DZANK1: variants seen among roughly 807,000 people sequenced by gnomAD.
DZANK1 encodes double zinc ribbon and ankyrin repeat domains 1.
DZANK1 carries 91 observed loss-of-function variants against 94.5 expected under a neutral mutation model. That is an observed-to-expected ratio of 0.96 (90% CI 0.81 to 1.15). DZANK1 has a LOEUF of 1.15. Among genes scored for constraint, DZANK1 ranks in the 50% most tolerant of loss-of-function variants. The probability of loss-of-function intolerance (pLI) is 0.00; values close to 1 mark genes in which losing one functional copy is unlikely to be tolerated. For missense variants in DZANK1, 903 were observed against 916.4 expected (o/e 0.99, Z 0.19); for synonymous variants, 312 against 325.3 (o/e 0.96, Z 0.44).
chr20:18,391,534 AG>A lies in DZANK1; in HGVS notation c.1810-1076del, dbSNP rs1439015811. Among the ~76,000 whole-genome samples, 2 of 152,164 alleles carry A rather than the reference AG, an allele frequency of 1.3e-5. 1 individual carries two copies. Among genetic ancestry groups the A allele is most frequent in the Non-Finnish European group, 2.9e-5 (2 of 68,030 alleles). ...AGGCGTGAGTCACTGGGCCTGGCTGAGTAACTTATCTTTTTATATTTTTAAA... is the reference window on the plus strand; with the variant it reads ...AGGCGTGAGTCACTGGGCCTGGCTGATAACTTATCTTTTTATATTTTTAAA... On this transcript the variant is annotated intron_variant, in intron 17 of 20. Coordinates refer to ENST00000262547, the Ensembl canonical transcript of DZANK1.
intron 16 of DZANK1, 110 bp downstream of exon 16, chr20:18,394,144 T>G: frequency 1.1e-6 from 1 of 932,494 alleles, no homozygotes; most frequent in Non-Finnish European, 1.6e-6. Flanking sequence ...GGAACATAAC[T>G]GCAAGATCTG....
chr20:18,427,975 C>G (rs1333817226), intron 9 of DZANK1, among the ~76,000 whole-genome samples: 3 of 151,498 alleles, frequency 2.0e-5, no homozygotes. Context: ...ACGGTGAAAC[C>G]CCGTCTCTAC....
At chr20:18,387,898 A>AG (rs2048604358) in intron 19 of DZANK1, among the ~76,000 whole-genome samples, 1 of 152,322 alleles carries the variant, frequency 6.6e-6, no homozygotes, top group East Asian at 1.9e-4. Context: ...TTGTTTGCTA[A>AG]GGAACAACTC....
rs2145228 is a variant in DZANK1, at chr20:18,443,312, C to G, written c.747+35G>C. ...TGCTGCAAATAAAGATCAGATCAACCAATGAAAGATGTTTTTAAGAATTCT... is the reference window on the plus strand; with the variant it reads ...TGCTGCAAATAAAGATCAGATCAACGAATGAAAGATGTTTTTAAGAATTCT... On this transcript the variant is annotated intron_variant, in intron 8 of 20. Transcript: ENST00000262547. 6,202 of 1,334,996 alleles carry G rather than the reference C, an allele frequency of 4.6e-3. 251 individuals are homozygous for G. In the African/African-American group the frequency reaches 0.081, roughly 17 times the overall value. The allele number at this position is 1,334,996 out of a possible 1,614,324, so 82.7% of individuals were successfully genotyped here.
At chr20:18,392,155 T>A (rs1600719481) in intron 17 of DZANK1, among the ~76,000 whole-genome samples, 1 of 152,208 alleles carries the variant, frequency 6.6e-6, no homozygotes, top group Non-Finnish European at 1.5e-5. Context: ...CAGTGGAAGA[T>A]TCAGGTTATA....
chr20:18,455,243 T>C lies in DZANK1; in HGVS notation c.378+4A>G. On this transcript the variant is annotated splice_donor_region_variant and intron_variant, in intron 4 of 20. Coordinates refer to ENST00000262547, the Ensembl canonical transcript of DZANK1. Reference sequence around the variant, plus strand: ...TCTGAATGGATTATAGTTTCATTACTTGCCTGCCTTGAAGAATCTTTGAGA... The same window carrying C: ...TCTGAATGGATTATAGTTTCATTACCTGCCTGCCTTGAAGAATCTTTGAGA... The C allele has an allele frequency of 6.3e-7, 1 of 1,590,868 alleles. No individual in the cohort carries two copies. The highest frequency in any genetic ancestry group is 8.6e-7 in the Non-Finnish European group (1 of 1,166,152).
intron 6 of DZANK1, 120 bp downstream of exon 6, chr20:18,452,495 A>C (rs776943704): frequency 1.7e-6 from 2 of 1,191,822 alleles, no homozygotes; most frequent in African/African-American, 1.6e-5. Context: ...TATTCCCAGC[A>C]CTAGAACAGT....
chr20:18,406,544 C>G (rs762267001), intron 13 of DZANK1, among the ~76,000 whole-genome samples: 1 of 152,252 alleles, frequency 6.6e-6, no homozygotes, highest in Non-Finnish European at 1.5e-5. Flanking sequence ...TAACCACCAG[C>G]AATACCCAGG....
intron 5 of DZANK1, chr20:18,452,697 T>C (rs751273476): frequency 2.2e-5 from 36 of 1,604,538 alleles, no homozygotes; most frequent in Non-Finnish European, 2.8e-5. Flanking sequence ...AAAGTGAAGA[T>C]CTTTCAAAGT....
chr20:18,400,685 G>C (rs2056624760), intron 13 of DZANK1, among the ~76,000 whole-genome samples: 1 of 152,130 alleles, frequency 6.6e-6, no homozygotes, highest in Non-Finnish European at 1.5e-5. Flanking sequence ...GAGTAATCGA[G>C]ACAACACTAG....
intron 8 of DZANK1, among the ~76,000 whole-genome samples, chr20:18,440,703 G>A (rs1449929718): frequency 1.3e-5 from 2 of 152,134 alleles, no homozygotes; most frequent in South Asian, 2.1e-4. Flanking sequence ...TCAAGAAAAC[G>A]AAGGCTGGTA....
intron 13 of DZANK1, among the ~76,000 whole-genome samples, chr20:18,405,543 T>G (rs951779179): frequency 1.3e-5 from 2 of 152,116 alleles, no homozygotes; most frequent in Non-Finnish European, 2.9e-5. Context: ...AAAAAAATAT[T>G]TGAAGAGATG....
chr20:18,427,079 A>C (rs2058076917), exon 10 of DZANK1: 1 of 1,610,992 alleles, frequency 6.2e-7, no homozygotes, highest in African/African-American at 1.3e-5. Flanking sequence ...CTTGTGATGA[A>C]GGCAGGGCCC....
chr20:18,438,913 C>T (rs145148372), intron 8 of DZANK1, among the ~76,000 whole-genome samples: 5 of 152,300 alleles, frequency 3.3e-5, no homozygotes, highest in Admixed American at 2.6e-4. Flanking sequence ...TTCATCATCA[C>T]GACCTAATTA....
At position 18,399,718 on chromosome 20, in the gene DZANK1, G is replaced by A. The variant is rs907547640; in HGVS notation, c.1433-1092C>T. Among the ~76,000 whole-genome samples the A allele has an allele frequency of 2.6e-5, 4 of 152,158 alleles. No homozygotes were observed. In the South Asian group the frequency reaches 6.2e-4, roughly 24 times the overall value. ...GAGATTTCACGTGAGTCTGGTGCCC[G>A]GTTTCTCATATGCAGGCGGAAGACG... On this transcript the variant is annotated intron_variant, in intron 13 of 20. Transcript: ENST00000262547.
chr20:18,383,862 T>C (rs940430175), exon 21 of DZANK1: 3 of 152,196 alleles, frequency 2.0e-5, no homozygotes, highest in Non-Finnish European at 4.4e-5. Flanking sequence ...ACAAAAAACC[T>C]GCAGCAATAA....
rs543078866 is a variant in DZANK1 at position 18,423,910 on chromosome 20, G to A, written c.954+3157C>T. Among the ~76,000 whole-genome samples, 57 of 128,912 alleles carry A rather than the reference G, an allele frequency of 4.4e-4. No homozygotes were observed. The South Asian group carries it at 0.014, about 31-fold the overall frequency. The allele number at this position is 128,912 out of a possible 152,430, so 84.6% of individuals were successfully genotyped here. A position where few individuals can be genotyped will look rare whatever the true frequency, so the allele number is the denominator to read the frequency against. On this transcript the variant is annotated intron_variant, in intron 10 of 20. Transcript: ENST00000262547. ...AAAATCAGATTAAACCCAAAGAAAA[G>A]AGAATAAATAAAGAGCAAAATAAAA...
At chr20:18,437,304 T>A (rs2058560384) in intron 8 of DZANK1, among the ~76,000 whole-genome samples, 1 of 152,034 alleles carries the variant, frequency 6.6e-6, no homozygotes. Flanking sequence ...AGGGGCCGGG[T>A]GCGATGGCTC....
intron 20 of DZANK1, 76 bp from the exon 21 acceptor site, chr20:18,384,640 C>T (rs1288079997): frequency 8.3e-6 from 12 of 1,450,714 alleles, no homozygotes; most frequent in African/African-American, 1.4e-5. Context: ...CTCTACCCTG[C>T]CATGGAGGCC....
Sources: allele counts gnomAD v4.1 joint callset (sites outside exome capture counted in the v4.1 genomes callset), GRCh38; gene constraint gnomAD v4.1.1; transcripts MANE v1.5; gene names NCBI Gene and HGNC (gene_info 2026-07-23, HGNC 2026-07-21).